The following OR5B3 variants were observed in gnomAD, a reference collection of about 807,000 sequenced individuals.
OR5B3 encodes the protein olfactory receptor 5B3.
For missense variants in OR5B3, 430 were observed against 375.4 expected, an observed-to-expected ratio of 1.15 and a Z score of -1.20; for synonymous variants, 150 against 135.0, an observed-to-expected ratio of 1.11 and a Z score of -0.77.
rs1855057777 is a variant in OR5B3 at position 58,403,229 on chromosome 11, G to T, written c.181C>A (p.Leu61Ile). The stretch of plus-strand genomic sequence containing the variant: ...AAGTCCACTAGAGACAAGTTACTGA[G>T]AAAAAAGTACATGGGATTGTGGAGA... ...SCLHNPMYFFLSNLSLVDFCY... is the reference protein window; with the variant it reads ...SCLHNPMYFFISNLSLVDFCY... The change falls in exon 2 of 2, where the codon CTC (leucine) becomes ATC (isoleucine). Residue 61 changes from leucine to isoleucine, a missense_variant. By Grantham distance (5) the Leu-to-Ile change is conservative. Coordinates refer to ENST00000641865, the MANE Select transcript of OR5B3 (RefSeq NM_001005469.2). 1 of 1,613,576 alleles carries T rather than the reference G, an allele frequency of 6.2e-7. No individual in the cohort carries two copies. Among genetic ancestry groups the T allele is most frequent in the Admixed American group, 1.7e-5 (1 of 59,898 alleles).
intron 1 of OR5B3, among the ~76,000 whole-genome samples, chr11:58,404,906 T>G (rs571374390): frequency 3.5e-4 from 54 of 152,208 alleles, no homozygotes; most frequent in Non-Finnish European, 6.6e-4. Flanking sequence ...GTTTTAAAAT[T>G]TCAACTTTCA....
rs761104581 is a variant in OR5B3, at chr11:58,402,966, G to C, written c.444C>G (p.Leu148=). The change falls in exon 2 of 2, where the codon CTC becomes CTG. Residue 148 remains leucine (L), a synonymous_variant. Transcript: ENST00000641865. ...GGATGGAGGCATTCAGGAAACCACA[G>C]AGGTAGGAGCCTATGGCCAGACGAG... ...VCARLAIGSY[L]CGFLNASIHT... 2.8e-5 allele frequency: 45 copies of C among 1,613,802 alleles called. No individual in the cohort carries two copies. Among genetic ancestry groups the C allele is most frequent in the Middle Eastern group, 1.6e-4 (1 of 6,082 alleles).
intron 1 of OR5B3, among the ~76,000 whole-genome samples, chr11:58,405,064 G>A (rs532410654): frequency 2.0e-5 from 3 of 152,152 alleles, no homozygotes; most frequent in African/African-American, 7.2e-5. Context: ...CCATCCTCTA[G>A]TAGTCCACAG....
rs533793808 is a variant in OR5B3 at position 58,403,327 on chromosome 11, G to C, written c.83C>G (p.Thr28Arg). The change falls in exon 2 of 2, where the codon ACG becomes AGG. Residue 28 changes from threonine to arginine, a missense_variant. Thr to Arg is a moderately conservative substitution (Grantham distance 71). Coordinates refer to ENST00000641865, the MANE Select transcript of OR5B3 (RefSeq NM_001005469.2). ...AGTGATAATATAGATGAAGGGGAACGTTATAAAGAGGGGAACCTGCAGTTC... is the reference window on the plus strand; with the variant it reads ...AGTGATAATATAGATGAAGGGGAACCTTATAAAGAGGGGAACCTGCAGTTC... ...DSELQVPLFITFPFIYIITLV... is the reference protein window; with the variant it reads ...DSELQVPLFIRFPFIYIITLV... The C allele has an allele frequency of 4.3e-6, 7 of 1,612,262 alleles. No homozygotes were observed. Among genetic ancestry groups the C allele is most frequent in the Non-Finnish European group, 5.9e-6 (7 of 1,178,524 alleles).
chr11:58,404,938 G>A (rs1034610497), intron 1 of OR5B3, among the ~76,000 whole-genome samples: 4 of 152,036 alleles, frequency 2.6e-5, no homozygotes, highest in East Asian at 1.9e-4. Flanking sequence ...AGGGTTACAC[G>A]TGCAGATTTC....
At chr11:58,403,503 ATATG>A (rs1479340121) in intron 1 of OR5B3, 68 bp from the exon 2 acceptor site, 1 of 694,038 alleles carries the variant, frequency 1.4e-6, no homozygotes, top group African/African-American at 1.8e-5. Flanking sequence ...TATAAGTACA[ATATG>A]TATTCCTTCA....
intron 1 of OR5B3, among the ~76,000 whole-genome samples, chr11:58,406,446 C>A (rs1462250617): frequency 1.3e-5 from 2 of 151,266 alleles, no homozygotes; most frequent in Non-Finnish European, 2.9e-5. Context: ...CATTTAACAC[C>A]TTTTTGTAGT....
intron 1 of OR5B3, among the ~76,000 whole-genome samples, chr11:58,405,230 A>C (rs1855084690): frequency 6.6e-6 from 1 of 152,144 alleles, no homozygotes; most frequent in African/African-American, 2.4e-5. Flanking sequence ...ACATGATTTC[A>C]TTTTTTAGGG....
rs1855039675 is a variant in OR5B3 at position 58,402,474 on chromosome 11, C to T, written c.936G>A (p.Trp312Ter). The change falls in exon 2 of 2, where the codon TGG (tryptophan) becomes TGA (stop). Residue 312 changes from tryptophan to a stop codon, truncating the protein, a stop_gained. Coordinates refer to ENST00000641865, the MANE Select transcript of OR5B3 (RefSeq NM_001005469.2). LOFTEE classifies it high-confidence loss of function. Reference sequence around the variant, plus strand: ...GGTGCATCCCACAATGTTAAACTGACCATCCTACAGACAATTTTGCCTTCT... The same window carrying T: ...GGTGCATCCCACAATGTTAAACTGATCATCCTACAGACAATTTTGCCTTCT... ...VVEKAKLSVGWSV is the reference protein window; with the variant it reads ...VVEKAKLSVG The T allele has an allele frequency of 1.3e-6, 2 of 1,593,016 alleles. No individual in the cohort carries two copies. The highest frequency in any genetic ancestry group is 1.1e-5 in the South Asian group (1 of 90,642).
At chr11:58,405,841 C>T (rs1855091747) in intron 1 of OR5B3, among the ~76,000 whole-genome samples, 1 of 151,886 alleles carries the variant, frequency 6.6e-6, no homozygotes, top group African/African-American at 2.4e-5. Flanking sequence ...AGAATCAGCC[C>T]TGGTGCCCGT....
In OR5B3 at chr11:58,403,240, A is replaced by G. The variant is rs1855058902; in HGVS notation, c.170T>C (p.Met57Thr). ...IFWDSCLHNP[M>T]YFFLSNLSLV... ...AGACAAGTTACTGAGAAAAAAGTAC[A>G]TGGGATTGTGGAGACAGGAATCCCA... The change falls in exon 2 of 2, where the codon ATG becomes ACG. Residue 57 changes from methionine to threonine, a missense_variant. By Grantham distance (81) the Met-to-Thr change is moderately conservative. Coordinates refer to ENST00000641865, the MANE Select transcript of OR5B3 (RefSeq NM_001005469.2). The G allele has an allele frequency of 6.2e-7, 1 of 1,613,986 alleles. No homozygotes were observed. The highest frequency in any genetic ancestry group is 8.5e-7 in the Non-Finnish European group (1 of 1,179,898).
chr11:58,404,372 C>T lies in OR5B3; in HGVS notation c.-26-937G>A, dbSNP rs1464724398. Among the ~76,000 whole-genome samples the T allele has an allele frequency of 1.4e-5, 2 of 147,878 alleles. 1 individual carries two copies. The highest frequency in any genetic ancestry group is 3.0e-5 in the Non-Finnish European group (2 of 66,452). ...TAAATAAGATAATCCATTAAAAATG[C>T]TAGATGTTAAGCACAGCCTAATGAG... On this transcript the variant is annotated intron_variant, in intron 1 of 1. Coordinates refer to ENST00000641865, the MANE Select transcript of OR5B3 (RefSeq NM_001005469.2).
rs371786585 is a variant in OR5B3 at position 58,403,185 on chromosome 11, G to A, written c.225C>T (p.Val75=). 1.1e-4 allele frequency: 171 copies of A among 1,613,872 alleles called. No individual in the cohort carries two copies. The highest frequency in any genetic ancestry group is 6.6e-4 in the South Asian group (60 of 91,064). Residue 75 remains valine (V), a synonymous_variant, in exon 2 of 2, where the codon GTC becomes GTT. Transcript: ENST00000641865. ...SLVDFCYSSA[V]TPIVMAGFLI... ...GGAATCCAGCCATGACGATGGGAGT[G>A]ACAGCTGAAGAGTAGCAAAAGTCCA... is the stretch of plus-strand genomic sequence containing the variant.
intron 1 of OR5B3, among the ~76,000 whole-genome samples, 189 bp from the exon 2 acceptor site, chr11:58,403,624 T>C (rs911812571): frequency 6.6e-6 from 1 of 152,046 alleles, no homozygotes; most frequent in Admixed American, 6.6e-5. Context: ...AACTGAAGAA[T>C]CTTAGTAGAT....
intron 1 of OR5B3, among the ~76,000 whole-genome samples, chr11:58,405,086 C>T (rs1482320743): frequency 6.6e-6 from 1 of 152,048 alleles, no homozygotes; most frequent in South Asian, 2.1e-4. Context: ...GTCTATTGTT[C>T]CCATATTTAT....
At chr11:58,405,666 G>A (rs567640444) in intron 1 of OR5B3, among the ~76,000 whole-genome samples, 3 of 152,196 alleles carry the variant, frequency 2.0e-5, no homozygotes, top group African/African-American at 2.4e-5. Context: ...TAATACCTAG[G>A]TGATGGGATG....
At chr11:58,405,937 A>C (rs888691568) in intron 1 of OR5B3, among the ~76,000 whole-genome samples, 3 of 152,144 alleles carry the variant, frequency 2.0e-5, no homozygotes, top group African/African-American at 7.2e-5. Context: ...AATCAGGAAT[A>C]ATACTTTAAG....
chr11:58,403,733 A>C (rs1855066947), intron 1 of OR5B3, among the ~76,000 whole-genome samples: 1 of 152,160 alleles, frequency 6.6e-6, no homozygotes, highest in Admixed American at 6.6e-5. Flanking sequence ...CTATCTGTCA[A>C]TTTACTTTTC....
chr11:58,406,213 G>T (rs547717683), intron 1 of OR5B3, among the ~76,000 whole-genome samples: 8 of 134,392 alleles, frequency 6.0e-5, no homozygotes, highest in Non-Finnish European at 6.8e-5. Context: ...GAGAGAGTTA[G>T]ATAGTATTAT....
Sources: gnomAD v4.1 joint callset for allele counts (sites outside exome capture counted in the v4.1 genomes callset) on GRCh38, gnomAD v4.1.1 for gene constraint, MANE v1.5 for transcripts, NCBI Gene and HGNC (gene_info 2026-07-23, HGNC 2026-07-21) for gene names.